ETNPPL: variants seen among roughly 807,000 people sequenced by gnomAD.
The protein encoded by ETNPPL is alanine--glyoxylate aminotransferase 2-like 1.
A neutral mutation model predicts 55.5 loss-of-function variants in ETNPPL; 30 were observed. That is an observed-to-expected ratio of 0.54 (90% confidence interval 0.40 to 0.73). ETNPPL has a LOEUF of 0.73. ETNPPL is among the 30% of genes least tolerant of loss of function. The pLI is 0.00. For synonymous variants in ETNPPL, 202 were observed against 207.2 expected (o/e 0.98, Z 0.21); for missense variants, 528 against 607.9 (o/e 0.87, Z 1.38).
intron 5 of ETNPPL, among the ~76,000 whole-genome samples, chr4:108,754,371 T>G (rs1007112960): frequency 5.9e-5 from 9 of 152,150 alleles, no homozygotes; most frequent in Non-Finnish European, 1.3e-4. Context: ...GCAAGAAAAA[T>G]AAAATGATAG....
chr4:108,753,762 A>AAGAAAGAAAGAC, intron 5 of ETNPPL, among the ~76,000 whole-genome samples: 1 of 124,058 alleles, frequency 8.1e-6, no homozygotes, highest in South Asian at 2.8e-4. Flanking sequence ...GAAAGAAAGA[A>AAGAAAGAAAGAC]AGAAAGAAAG....
intron 11 of ETNPPL, among the ~76,000 whole-genome samples, chr4:108,744,154 G>A (rs528678455): frequency 1.4e-4 from 21 of 152,136 alleles, no homozygotes; most frequent in African/African-American, 4.8e-4. Context: ...CCAGCTACTC[G>A]GGAGGCTGAG....
In ETNPPL at chr4:108,756,588, G is replaced by C. The variant is rs559349910; in HGVS notation, c.336-96C>G. On this transcript the variant is annotated intron_variant, in intron 3 of 12. Coordinates refer to ENST00000296486, the MANE Select transcript of ETNPPL (RefSeq NM_031279.4). ...ACGGTAGCTCACGCCTGTAATCCTA[G>C]CGCTTTGAGAGGCCAAGGAGGGCCG... The C allele has an allele frequency of 1.8e-5, 17 of 938,586 alleles. No homozygotes were observed. In the East Asian group the frequency reaches 4.2e-4, roughly 23 times the overall value. 58.1% of individuals were successfully genotyped at this position (938,586 alleles called of 1,614,324 possible). A position where few individuals can be genotyped will look rare whatever the true frequency, so the allele number is the denominator to read the frequency against.
At position 108,760,317 on chromosome 4, in the gene ETNPPL, T is replaced by G; in HGVS notation, c.57-11A>C. 6.7e-7 allele frequency: 1 copy of G among 1,498,198 alleles called. No individual in the cohort carries two copies. Among genetic ancestry groups the G allele is most frequent in the Non-Finnish European group, 9.3e-7 (1 of 1,077,072 alleles). The allele number at this position is 1,498,198 out of a possible 1,614,324, so 92.8% of individuals were successfully genotyped here. A position where few individuals can be genotyped will look rare whatever the true frequency, so the allele number is the denominator to read the frequency against. On this transcript the variant is annotated splice_polypyrimidine_tract_variant and intron_variant, in intron 1 of 12. Transcript: ENST00000296486. ...ACTTTGCATGAGGGCCTAGAAATAATCAAAGGAAACACTTTGGTCTGGTAG... is the reference window on the plus strand; with the variant it reads ...ACTTTGCATGAGGGCCTAGAAATAAGCAAAGGAAACACTTTGGTCTGGTAG...
intron 7 of ETNPPL, among the ~76,000 whole-genome samples, chr4:108,750,623 A>G (rs1464469344): frequency 3.8e-5 from 5 of 130,784 alleles, no homozygotes; most frequent in Admixed American, 2.9e-4. Context: ...GGATATATAT[A>G]TATCCTATTA....
intron 6 of ETNPPL, among the ~76,000 whole-genome samples, 154 bp downstream of exon 6, chr4:108,752,741 G>A (rs188302288): frequency 1.3e-3 from 192 of 152,270 alleles, no homozygotes; most frequent in Non-Finnish European, 1.8e-3. Flanking sequence ...TTGTAATAAC[G>A]CATTTTTGAA....
intron 1 of ETNPPL, 103 bp downstream of exon 1, chr4:108,762,740 G>C (rs111714560): frequency 7.2e-7 from 1 of 1,385,422 alleles, no homozygotes; most frequent in East Asian, 2.3e-5. Flanking sequence ...CACGGAGTGC[G>C]GCTGCAGCGC....
intron 3 of ETNPPL, among the ~76,000 whole-genome samples, chr4:108,757,512 C>T (rs572708270): frequency 6.6e-6 from 1 of 152,178 alleles, no homozygotes; most frequent in East Asian, 1.9e-4. Flanking sequence ...GTGGCTCACG[C>T]CTGTAATCTT....
intron 3 of ETNPPL, 56 bp from the exon 4 acceptor site, chr4:108,756,548 T>C: frequency 7.3e-7 from 1 of 1,374,420 alleles, no homozygotes; most frequent in South Asian, 1.2e-5. Flanking sequence ...TTAAAACATT[T>C]AGGATGTGCC....
At chr4:108,750,743 G>A in intron 7 of ETNPPL, among the ~76,000 whole-genome samples, 193 bp downstream of exon 7, 1 of 151,704 alleles carries the variant, frequency 6.6e-6, no homozygotes, top group East Asian at 1.9e-4. Flanking sequence ...GTTGGACCAT[G>A]TGTAAACCTT....
intron 5 of ETNPPL, among the ~76,000 whole-genome samples, chr4:108,753,764 GAAAGAAA>G (rs1729034540): frequency 8.6e-6 from 1 of 116,346 alleles, no homozygotes; most frequent in Non-Finnish European, 1.7e-5. Context: ...AAGAAAGAAA[GAAAGAAA>G]GAAAGAAAGA....
chr4:108,753,800 G>GAAAGAAAGAAAAGA (rs374263477), intron 5 of ETNPPL, among the ~76,000 whole-genome samples: 4 of 109,026 alleles, frequency 3.7e-5, no homozygotes, highest in African/African-American at 2.0e-4. Context: ...AAGAAAGAAA[G>GAAAGAAAGAAAAGA]AAAGAAAAGA....
In ETNPPL at chr4:108,762,968, A is replaced by G. The variant is rs1729593857; in HGVS notation, c.-70T>C. The G allele has an allele frequency of 2.0e-6, 3 of 1,511,976 alleles. No individual in the cohort carries two copies. Among genetic ancestry groups the G allele is most frequent in the African/African-American group, 1.4e-5 (1 of 72,688 alleles). 93.7% of individuals were successfully genotyped at this position (1,511,976 alleles called of 1,614,324 possible). A position where few individuals can be genotyped will look rare whatever the true frequency, so the allele number is the denominator to read the frequency against. On this transcript the variant is annotated 5_prime_UTR_variant, in exon 1 of 13. Coordinates refer to ENST00000296486, the MANE Select transcript of ETNPPL (RefSeq NM_031279.4). ...TGCGCGCCTCCTACGCGAGCCTGGG[A>G]CTGCCTTGGCGGCCCCGGCCGGCCT... is the stretch of plus-strand genomic sequence containing the variant.
chr4:108,752,099 C>A (rs1252963970), intron 6 of ETNPPL, among the ~76,000 whole-genome samples: 1 of 151,896 alleles, frequency 6.6e-6, no homozygotes, highest in Non-Finnish European at 1.5e-5. Context: ...ATACGAAAAA[C>A]AAATGGGTTG....
intron 11 of ETNPPL, 151 bp downstream of exon 11, chr4:108,746,248 G>T: frequency 1.6e-6 from 1 of 607,994 alleles, no homozygotes; most frequent in Non-Finnish European, 2.5e-6. Flanking sequence ...TCTTTTTCTA[G>T]TCCTAAATGG....
chr4:108,743,426 T>G (rs1049766327), intron 12 of ETNPPL, among the ~76,000 whole-genome samples: 3 of 152,176 alleles, frequency 2.0e-5, no homozygotes, highest in Non-Finnish European at 4.4e-5. Context: ...CTGCTGATTG[T>G]AAAGTCAGTG....
At chr4:108,754,554 T>C (rs1338978633) in intron 5 of ETNPPL, 66 bp downstream of exon 5, 4 of 884,996 alleles carry the variant, frequency 4.5e-6, no homozygotes, top group Non-Finnish European at 7.4e-6. Flanking sequence ...ATGAAAGCAT[T>C]GGCTGGATTA....
rs759761076 is a variant in ETNPPL, at chr4:108,759,898, A to G, written c.186T>C (p.Cys62=). The change falls in exon 3 of 13, where the codon TGT becomes TGC. Residue 62 remains cysteine (C), a synonymous_variant. Coordinates refer to ENST00000296486, the MANE Select transcript of ETNPPL (RefSeq NM_031279.4). ...CINNVAHVGH[C]HPGVVKAALK... is the part of the protein sequence containing the mutation. The stretch of plus-strand genomic sequence containing the variant: ...GGGCAGCTTTGACCACTCCTGGGTG[A>G]CAGTGTCCCACTAAAATTTATGAAA... The G allele has an allele frequency of 3.1e-6, 5 of 1,613,254 alleles. No homozygotes were observed. The South Asian group carries it at 4.4e-5, about 14-fold the overall frequency.
chr4:108,758,624 G>A (rs1729343832), intron 3 of ETNPPL, among the ~76,000 whole-genome samples: 2 of 152,184 alleles, frequency 1.3e-5, no homozygotes. Flanking sequence ...AAGTTAAAAA[G>A]TTGAGGCAGC....
Sources: gnomAD v4.1 joint callset for allele counts (sites outside exome capture counted in the v4.1 genomes callset) on GRCh38, gnomAD v4.1.1 for gene constraint, MANE v1.5 for transcripts, NCBI Gene and HGNC (gene_info 2026-07-23, HGNC 2026-07-21) for gene names.